The following MIF4GD variants were observed in gnomAD, a reference collection of about 807,000 sequenced individuals.
The protein encoded by MIF4GD is MIF4G domain-containing protein.
MIF4GD carries 22 observed loss-of-function variants against 26.7 expected under a neutral mutation model. That is an observed-to-expected ratio of 0.82 (90% CI 0.59 to 1.18). The LOEUF is 1.18. MIF4GD is among the 50% of genes most tolerant of loss of function. The probability of loss-of-function intolerance (pLI) is 0.00; values close to 1 mark genes in which losing one functional copy is unlikely to be tolerated. For synonymous variants in MIF4GD, 137 were observed against 111.6 expected (o/e 1.23, Z -1.43); for missense variants, 262 against 279.6 (o/e 0.94, Z 0.45).
chr17:75,267,875 A>T lies in MIF4GD; in HGVS notation c.219T>A (p.Ser73Arg). The T allele has an allele frequency of 6.2e-7, 1 of 1,613,200 alleles. No individual in the cohort carries two copies. Among genetic ancestry groups the T allele is most frequent in the Non-Finnish European group, 8.5e-7 (1 of 1,179,778 alleles). The change falls in exon 4 of 6, where the codon AGT becomes AGA. Residue 73 changes from serine (S) to arginine (R), a missense_variant. Coordinates refer to ENST00000325102, the MANE Select transcript of MIF4GD (RefSeq NM_001370592.1). ...IQAESKQAGQ[S>R]VFRRGLLNRL... is the part of the protein sequence containing the mutation. ...GGTTGAGGAGTCCACGTCGGAAGACACTCTGGCCTGCTTGTTTACTCTCTG... is the reference window on the plus strand; with the variant it reads ...GGTTGAGGAGTCCACGTCGGAAGACTCTCTGGCCTGCTTGTTTACTCTCTG...
chr17:75,268,321 T>TA (rs1372175358), intron 2 of MIF4GD, 129 bp from the exon 3 acceptor site: 2 of 729,578 alleles, frequency 2.7e-6, no homozygotes, highest in African/African-American at 3.5e-5. Flanking sequence ...TCAGAAATCA[T>TA]ACAGAGGACA....
chr17:75,269,510 T>G, intron 2 of MIF4GD: 2 of 1,564,812 alleles, frequency 1.3e-6, no homozygotes, highest in Non-Finnish European at 1.7e-6. Context: ...TGTAAGCGCT[T>G]CAAGGGCAGG....
chr17:75,267,848 C>CCGGTTGAGGAGTCCACGT lies in MIF4GD; in HGVS notation c.228_245dup (p.Arg77_Arg82dup), dbSNP rs1179381514. ...CCCGAGCCTGGTACTCCTGCTGCAG[C>CCGGTTGAGGAGTCCACGT]CGGTTGAGGAGTCCACGTCGGAAGA... is the stretch of plus-strand genomic sequence containing the variant. On this transcript the variant is annotated inframe_insertion, in exon 4 of 6. Transcript: ENST00000325102. The CCGGTTGAGGAGTCCACGT allele has an allele frequency of 1.2e-6, 2 of 1,613,984 alleles. No homozygotes were observed. Among genetic ancestry groups the CCGGTTGAGGAGTCCACGT allele is most frequent in the Non-Finnish European group, 1.7e-6 (2 of 1,180,014 alleles).
At chr17:75,267,293 T>C (rs1332420035) in intron 5 of MIF4GD, among the ~76,000 whole-genome samples, 5 of 152,214 alleles carry the variant, frequency 3.3e-5, no homozygotes, top group African/African-American at 7.2e-5. Context: ...ACAGCTGCCA[T>C]CATACGTTGG....
intron 5 of MIF4GD, 156 bp downstream of exon 5, chr17:75,267,382 T>A: frequency 2.9e-6 from 2 of 695,954 alleles, no homozygotes; most frequent in Non-Finnish European, 4.8e-6. Context: ...CCTGGCAGCT[T>A]GTCCTATAAC....
At chr17:75,269,233 G>C in intron 2 of MIF4GD, 1 of 1,172,780 alleles carries the variant, frequency 8.5e-7, no homozygotes, top group Non-Finnish European at 1.2e-6. Flanking sequence ...ACAAGAAAAA[G>C]TGTTCTTATA....
In MIF4GD at chr17:75,266,563, A is replaced by G; in HGVS notation, c.*177T>C. The G allele has an allele frequency of 3.1e-6, 2 of 653,878 alleles. No individual in the cohort carries two copies. Among genetic ancestry groups the G allele is most frequent in the South Asian group, 1.9e-5 (1 of 52,750 alleles). 40.5% of individuals were successfully genotyped at this position (653,878 alleles called of 1,614,324 possible). ...TGGGTTGTGGTGGGGAAAGGGGCTC[A>G]GGGCAGGACCACGGCATAAGTGGGA... On this transcript the variant is annotated 3_prime_UTR_variant, in exon 6 of 6. Transcript: ENST00000325102.
Position 75,270,209 on chromosome 17 carries a change from C to T in MIF4GD, c.-14G>A. On this transcript the variant is annotated 5_prime_UTR_variant, in exon 2 of 6. Transcript: ENST00000325102. The surrounding 1 kb of genome is among the most constrained non-coding windows in gnomAD (Gnocchi z 5.7). ...GGGCTCCCCCATGACTAGCCAGCCC[C>T]GGTAGCTCTTGACTGGGCTGGGAAT... 2 of 1,609,344 alleles carry T rather than the reference C, an allele frequency of 1.2e-6. No individual in the cohort carries two copies. Among genetic ancestry groups the T allele is most frequent in the Non-Finnish European group, 1.7e-6 (2 of 1,175,676 alleles).
In MIF4GD at chr17:75,268,137, C is replaced by T; in HGVS notation, c.138G>A (p.Leu46=). The T allele has an allele frequency of 6.2e-7, 1 of 1,614,246 alleles. No homozygotes were observed. The highest frequency in any genetic ancestry group is 8.5e-7 in the Non-Finnish European group (1 of 1,180,038). ...KVANVIVDHS[L]QDCVFSKEAG... is the part of the protein sequence containing the mutation. Reference sequence around the variant, plus strand: ...CTTCCTTGCTGAACACACAGTCCTGCAGAGAATGGTCCACAATCACATTGG... The same window carrying T: ...CTTCCTTGCTGAACACACAGTCCTGTAGAGAATGGTCCACAATCACATTGG... The change falls in exon 3 of 6, where the codon CTG becomes CTA. Residue 46 remains leucine, a synonymous_variant. Coordinates refer to ENST00000325102, the MANE Select transcript of MIF4GD (RefSeq NM_001370592.1).
At chr17:75,269,737 CTTTCTTTTTTTTTT>C (rs1474627313) in intron 2 of MIF4GD, among the ~76,000 whole-genome samples, 1 of 103,720 alleles carries the variant, frequency 9.6e-6, no homozygotes, top group Non-Finnish European at 1.8e-5. Flanking sequence ...TTTTTCTTTT[CTTTCTTTTTTTTTT>C]TTTTTTTGTA....
rs2077519649 is a variant in MIF4GD at position 75,267,181 on chromosome 17, G to GTTTCCAAACCACT, written c.442-215_442-214insAGTGGTTTGGAAA. 8.3e-5 allele frequency among the ~76,000 whole-genome samples: 5 copies of GTTTCCAAACCACT among 60,386 alleles called. No individual in the cohort carries two copies. The South Asian group carries it at 3.9e-3, about 47-fold the overall frequency. The allele number at this position is 60,386 out of a possible 152,430, so 39.6% of individuals were successfully genotyped here. ...ATCTGGCCAGGCTCCACTCAAGCCT[G>GTTTCCAAACCACT]TCTCCAAACCACTTCTTCATCCCAC... On this transcript the variant is annotated intron_variant, in intron 5 of 5. Coordinates refer to ENST00000325102, the MANE Select transcript of MIF4GD (RefSeq NM_001370592.1).
Position 75,270,478 on chromosome 17 carries a change from C to G in MIF4GD, c.-50-233G>C. On this transcript the variant is annotated intron_variant, in intron 1 of 5. Coordinates refer to ENST00000325102, the MANE Select transcript of MIF4GD (RefSeq NM_001370592.1). The surrounding 1 kb of genome is among the most constrained non-coding windows in gnomAD (Gnocchi z 5.7). ...CCTCGCTTGTGGGATTACACAAGAG[C>G]GAGAAGCTGAAGCAGGAAAGCGCCC... 2.7e-6 allele frequency: 1 copy of G among 376,112 alleles called. No homozygotes were observed. The highest frequency in any genetic ancestry group is 5.0e-6 in the Non-Finnish European group (1 of 201,876). 23.3% of individuals were successfully genotyped at this position (376,112 alleles called of 1,614,324 possible).
intron 2 of MIF4GD, chr17:75,269,271 G>A (rs1309042329): frequency 3.9e-6 from 6 of 1,552,832 alleles, no homozygotes; most frequent in African/African-American, 2.8e-5. Context: ...CCCAACAAGA[G>A]AGGGCCACAT....
rs2077700883 is a variant in MIF4GD at position 75,270,654 on chromosome 17, G to C, written c.-50-409C>G. 1 of 161,288 alleles carries C rather than the reference G, an allele frequency of 6.2e-6. No individual in the cohort carries two copies. The highest frequency in any genetic ancestry group is 6.3e-5 in the Admixed American group (1 of 15,998). The allele number at this position is 161,288 out of a possible 1,614,324, so 10.0% of individuals were successfully genotyped here. On this transcript the variant is annotated intron_variant, in intron 1 of 5. Coordinates refer to ENST00000325102, the MANE Select transcript of MIF4GD (RefSeq NM_001370592.1). The surrounding 1 kb of genome is among the most constrained non-coding windows in gnomAD (Gnocchi z 5.7). ...TGGGAACTCCAAGCGGTGCGACTCTGTCCCCAGCAGGTCTCCGAGCCCCTC... is the reference window on the plus strand; with the variant it reads ...TGGGAACTCCAAGCGGTGCGACTCTCTCCCCAGCAGGTCTCCGAGCCCCTC...
chr17:75,269,508 C>T, intron 2 of MIF4GD: 2 of 1,555,992 alleles, frequency 1.3e-6, no homozygotes, highest in Non-Finnish European at 1.7e-6. Flanking sequence ...AATGTAAGCG[C>T]TTCAAGGGCA....
intron 5 of MIF4GD, 126 bp from the exon 6 acceptor site, chr17:75,267,093 C>T: frequency 2.6e-6 from 2 of 767,272 alleles, no homozygotes; most frequent in Admixed American, 4.2e-5. Context: ...CCTTACCATC[C>T]AGTGGGTACT....
intron 2 of MIF4GD, chr17:75,269,243 A>G (rs1336428408): frequency 1.5e-6 from 2 of 1,320,722 alleles, no homozygotes; most frequent in African/African-American, 1.5e-5. Context: ...GTGTTCTTAT[A>G]CTACACACAT....
Position 75,266,750 on chromosome 17 carries a change from A to G in MIF4GD, c.659T>C (p.Val220Ala), listed in dbSNP as rs138799236. 6.8e-6 allele frequency: 11 copies of G among 1,614,160 alleles called. No homozygotes were observed. Among genetic ancestry groups the G allele is most frequent in the Non-Finnish European group, 9.3e-6 (11 of 1,180,002 alleles). The change falls in exon 6 of 6, where the codon GTC becomes GCC. Residue 220 changes from valine (V) to alanine (A), a missense_variant. Val to Ala is a moderately conservative substitution (Grantham distance 64). Coordinates refer to ENST00000325102, the MANE Select transcript of MIF4GD (RefSeq NM_001370592.1). ...PAAHKYYYSE[V>A]SD Reference sequence around the variant, plus strand: ...CCCTGATCTGGAGGCCTAGTCGGAGACTTCGCTGTAGTAATACTTGTGGGC... The same window carrying G: ...CCCTGATCTGGAGGCCTAGTCGGAGGCTTCGCTGTAGTAATACTTGTGGGC...
chr17:75,269,997 A>G (rs556393000), intron 2 of MIF4GD, 117 bp downstream of exon 2: 7 of 826,148 alleles, frequency 8.5e-6, no homozygotes, highest in Admixed American at 4.2e-5. Context: ...GCCGACTCCT[A>G]TCGTCAGAGA....
Sources: gnomAD v4.1 joint callset for allele counts (sites outside exome capture counted in the v4.1 genomes callset) on GRCh38, gnomAD v4.1.1 for gene constraint, Gnocchi (gnomAD v3.1) non-coding constraint, MANE v1.5 for transcripts, NCBI Gene and HGNC (gene_info 2026-07-23, HGNC 2026-07-21) for gene names.